Variants in EPS15L1 observed in about 807,000 individuals in gnomAD.
EPS15L1 encodes the protein epidermal growth factor receptor pathway substrate 15 like 1.
EPS15L1 carries 43 observed loss-of-function variants against 117.1 expected under a neutral mutation model. That is an observed-to-expected ratio of 0.37 (90% CI 0.29 to 0.47). EPS15L1 has a LOEUF of 0.47. Ranked by LOEUF, EPS15L1 falls within the 20% of genes least tolerant of loss-of-function variation. EPS15L1 has a pLI of 0.99. For missense variants in EPS15L1, 981 were observed against 1,164.0 expected, an observed-to-expected ratio of 0.84 and a Z score of 2.29; for synonymous variants, 459 against 470.5, an observed-to-expected ratio of 0.98 and a Z score of 0.32.
At chr19:16,374,397 AC>A (rs1229406047) in intron 22 of EPS15L1, among the ~76,000 whole-genome samples, 1 of 152,044 alleles carries the variant, frequency 6.6e-6, no homozygotes, top group Admixed American at 6.6e-5. Context: ...GGAGCCCAGG[AC>A]CCCCTGGGTC....
At chr19:16,385,620 A>G (rs2092412341) in intron 20 of EPS15L1, among the ~76,000 whole-genome samples, 1 of 152,102 alleles carries the variant, frequency 6.6e-6, no homozygotes, top group Non-Finnish European at 1.5e-5. Context: ...CCTGGAAGGG[A>G]TTTGCCTAGA....
At chr19:16,382,160 G>A (rs998550265) in intron 21 of EPS15L1, among the ~76,000 whole-genome samples, 4 of 152,154 alleles carry the variant, frequency 2.6e-5, no homozygotes, top group African/African-American at 9.7e-5. Context: ...TTAAACCCAC[G>A]AGGCCAATTG....
chr19:16,426,542 G>A (rs1434758566), intron 8 of EPS15L1, among the ~76,000 whole-genome samples: 1 of 152,192 alleles, frequency 6.6e-6, no homozygotes, highest in Non-Finnish European at 1.5e-5. Flanking sequence ...GGAAGACTGA[G>A]GCAGGAGAAT....
chr19:16,429,577 A>C (rs199712425), intron 7 of EPS15L1, among the ~76,000 whole-genome samples: 1 of 152,128 alleles, frequency 6.6e-6, no homozygotes, highest in African/African-American at 2.4e-5. Flanking sequence ...ACCAGCCCAC[A>C]CAGCCAAGAG....
rs2093011805 is a variant in EPS15L1 at position 16,439,758 on chromosome 19, A to C, written c.213+1104T>G. Among the ~76,000 whole-genome samples, 3 of 152,112 alleles carry C rather than the reference A, an allele frequency of 2.0e-5. No homozygotes were observed. The South Asian group carries it at 6.2e-4, about 31-fold the overall frequency. On this transcript the variant is annotated intron_variant, in intron 4 of 23. Coordinates refer to ENST00000455140, the MANE Select transcript of EPS15L1 (RefSeq NM_001258374.3). ...CATGAACCTCAAAGAAGGGAGGTACAAGTGAAGGGGGCTTCCTGGACAGAC... is the reference window on the plus strand; with the variant it reads ...CATGAACCTCAAAGAAGGGAGGTACCAGTGAAGGGGGCTTCCTGGACAGAC...
At position 16,454,668 on chromosome 19, in the gene EPS15L1, G is replaced by T. The variant is rs537914093; in HGVS notation, c.34-12449C>A. ...GGGCCTACAGTGGGGCATGGCACAG[G>T]GGTAAGGCCTACAGTCGCTGCCCTG... is the stretch of plus-strand genomic sequence containing the variant. On this transcript the variant is annotated intron_variant, in intron 1 of 23. Coordinates refer to ENST00000455140, the MANE Select transcript of EPS15L1 (RefSeq NM_001258374.3). Among the ~76,000 whole-genome samples, 3 of 152,260 alleles carry T rather than the reference G, an allele frequency of 2.0e-5. No individual in the cohort carries two copies. In the East Asian group the frequency reaches 5.8e-4, roughly 29 times the overall value.
intron 22 of EPS15L1, among the ~76,000 whole-genome samples, chr19:16,369,516 GAAGA>G (rs2092189698): frequency 1.3e-5 from 2 of 152,106 alleles, no homozygotes; most frequent in Non-Finnish European, 2.9e-5. Context: ...GCCATTAAAA[GAAGA>G]AAGTGGGGAA....
chr19:16,433,672 A>C (rs1477377544), intron 7 of EPS15L1, among the ~76,000 whole-genome samples: 1 of 151,816 alleles, frequency 6.6e-6, no homozygotes, highest in African/African-American at 2.4e-5. Flanking sequence ...AACTCAAAAA[A>C]AGAAATAAAA....
At chr19:16,366,312 G>A (rs2092132548) in intron 22 of EPS15L1, among the ~76,000 whole-genome samples, 1 of 152,142 alleles carries the variant, frequency 6.6e-6, no homozygotes, top group South Asian at 2.1e-4. Flanking sequence ...GACTGCCACG[G>A]TACAGAAGGT....
rs918174515 is a variant in EPS15L1, at chr19:16,370,561, C to T, written c.2380+6561G>A. Among the ~76,000 whole-genome samples, 4 of 152,188 alleles carry T rather than the reference C, an allele frequency of 2.6e-5. No individual in the cohort carries two copies. Among genetic ancestry groups the T allele is most frequent in the Non-Finnish European group, 5.9e-5 (4 of 68,026 alleles). ...CCCCCAGGCCTCAGCATTTGCACCC[C>T]ACTGAACACCAGATGATAATCGAGT... On this transcript the variant is annotated intron_variant, in intron 22 of 23. Coordinates refer to ENST00000455140, the MANE Select transcript of EPS15L1 (RefSeq NM_001258374.3). The surrounding 1 kb of genome is among the most constrained non-coding windows in gnomAD (Gnocchi z 5.2).
At chr19:16,357,466 C>T (rs968627809) in intron 23 of EPS15L1, 2 of 152,376 alleles carry the variant, frequency 1.3e-5, no homozygotes, top group African/African-American at 4.8e-5. Flanking sequence ...GTGGAGGCTC[C>T]TTGGGCGAGC....
In EPS15L1 at chr19:16,404,018, G is replaced by A. The variant is rs1023164071; in HGVS notation, c.1429-88C>T. 7 of 1,288,610 alleles carry A rather than the reference G, an allele frequency of 5.4e-6. No individual in the cohort carries two copies. The Admixed American group carries it at 6.0e-5, about 11-fold the overall frequency. 79.8% of individuals were successfully genotyped at this position (1,288,610 alleles called of 1,614,324 possible). ...GAAAGAACTCTTAGCCCCCATCCCC[G>A]AAACAAGCTAAGCCAGGGACGCAGA... On this transcript the variant is annotated intron_variant, in intron 14 of 23. Coordinates refer to ENST00000455140, the MANE Select transcript of EPS15L1 (RefSeq NM_001258374.3). The surrounding 1 kb of genome is among the most constrained non-coding windows in gnomAD (Gnocchi z 4.2).
At chr19:16,428,289 G>A (rs546756021) in intron 8 of EPS15L1, among the ~76,000 whole-genome samples, 2 of 151,982 alleles carry the variant, frequency 1.3e-5, no homozygotes, top group Non-Finnish European at 2.9e-5. Flanking sequence ...GAGGCGGGTG[G>A]ATCACAAGGC....
intron 1 of EPS15L1, among the ~76,000 whole-genome samples, chr19:16,455,692 C>A (rs568282848): frequency 6.6e-6 from 1 of 152,304 alleles, no homozygotes; most frequent in South Asian, 2.1e-4. Flanking sequence ...TGGGGCAGGA[C>A]GAGCAGCCTC....
In EPS15L1 at chr19:16,405,192, G is replaced by A. The variant is rs1187058464; in HGVS notation, c.1267-443C>T. On this transcript the variant is annotated intron_variant, in intron 13 of 23. Coordinates refer to ENST00000455140, the MANE Select transcript of EPS15L1 (RefSeq NM_001258374.3). This position sits in a 1 kb window ranked among gnomAD's most constrained non-coding sequence, Gnocchi z 4.0. ...GCAGCATTTAGGATGGGGCCAACAG[G>A]TGAGCAGGTGCCAGGCAGGTGAAGA... is the stretch of plus-strand genomic sequence containing the variant. Among the ~76,000 whole-genome samples, 1 of 152,214 alleles carries A rather than the reference G, an allele frequency of 6.6e-6. No homozygotes were observed. Among genetic ancestry groups the A allele is most frequent in the Non-Finnish European group, 1.5e-5 (1 of 68,030 alleles).
At chr19:16,423,096 C>T (rs2092833975) in intron 9 of EPS15L1, among the ~76,000 whole-genome samples, 2 of 152,072 alleles carry the variant, frequency 1.3e-5, no homozygotes, top group Non-Finnish European at 2.9e-5. Flanking sequence ...TCTTCATGAA[C>T]GAGTCTCCTG....
At position 16,471,957 on chromosome 19, in the gene EPS15L1, C is replaced by G. The variant is rs1259961011; in HGVS notation, c.-12G>C. 2.3e-6 allele frequency: 3 copies of G among 1,284,728 alleles called. No homozygotes were observed. In the South Asian group the frequency reaches 7.2e-5, roughly 31 times the overall value. 79.6% of individuals were successfully genotyped at this position (1,284,728 alleles called of 1,614,324 possible). A position where few individuals can be genotyped will look rare whatever the true frequency, so the allele number is the denominator to read the frequency against. ...AGCGGCGCCGCCATCTTCCCGCGGA[C>G]TCGGGCTCCGAGCGCCGGGGGAACG... On this transcript the variant is annotated 5_prime_UTR_variant, in exon 1 of 24. Coordinates refer to ENST00000455140, the MANE Select transcript of EPS15L1 (RefSeq NM_001258374.3). This position sits in a 1 kb window ranked among gnomAD's most constrained non-coding sequence, Gnocchi z 4.8.
At chr19:16,367,982 AGAGT>A (rs900641096) in intron 22 of EPS15L1, among the ~76,000 whole-genome samples, 29 of 151,876 alleles carry the variant, frequency 1.9e-4, no homozygotes, top group South Asian at 4.2e-4. Flanking sequence ...AGAGAGAGAG[AGAGT>A]GTGTGTGTGT....
intron 6 of EPS15L1, 42 bp downstream of exon 6, chr19:16,436,895 T>C (rs1285939570): frequency 6.7e-7 from 1 of 1,482,746 alleles, no homozygotes; most frequent in Non-Finnish European, 9.4e-7. Context: ...AACAATTCTA[T>C]CTGAAGGAGA....
Sources: allele counts gnomAD v4.1 joint callset (sites outside exome capture counted in the v4.1 genomes callset), GRCh38; gene constraint gnomAD v4.1.1; non-coding constraint Gnocchi (gnomAD v3.1); transcripts MANE v1.5; gene names NCBI Gene and HGNC (gene_info 2026-07-23, HGNC 2026-07-21).